SLC24A3: variants seen among roughly 807,000 people sequenced by gnomAD.
SLC24A3 encodes solute carrier family 24 member 3.
A neutral mutation model predicts 75.8 loss-of-function variants in SLC24A3; 28 were observed. The observed-to-expected ratio is 0.37, with a 90% confidence interval of 0.27 to 0.51. The LOEUF is 0.51. Among genes scored for constraint, SLC24A3 ranks in the 20% least tolerant of loss-of-function variants. The pLI is 0.94. For missense variants in SLC24A3, 663 were observed against 847.8 expected (o/e 0.78, Z 2.71); for synonymous variants, 372 against 334.1 (o/e 1.11, Z -1.24).
chr20:19,512,007 C>T (rs1436515893), intron 2 of SLC24A3, among the ~76,000 whole-genome samples: 1 of 152,226 alleles, frequency 6.6e-6, no homozygotes. Flanking sequence ...CCACATTCAA[C>T]TCGGTGAGGA....
intron 2 of SLC24A3, among the ~76,000 whole-genome samples, chr20:19,476,828 GGAAC>G (rs1987969386): frequency 6.6e-6 from 1 of 152,142 alleles, no homozygotes; most frequent in Non-Finnish European, 1.5e-5. Flanking sequence ...CACCAGAGGA[GGAAC>G]GATAGCACAG....
chr20:19,368,097 TGTGA>T (rs931971610), intron 2 of SLC24A3, among the ~76,000 whole-genome samples: 3 of 151,898 alleles, frequency 2.0e-5, no homozygotes, highest in African/African-American at 7.3e-5. Flanking sequence ...TGTGTATGAA[TGTGA>T]GTGTGTGTGT....
intron 6 of SLC24A3, among the ~76,000 whole-genome samples, chr20:19,619,058 G>A (rs1206378631): frequency 6.6e-6 from 1 of 152,152 alleles, no homozygotes; most frequent in Non-Finnish European, 1.5e-5. Flanking sequence ...TGATTACAGA[G>A]GCTTAAAATG....
At position 19,530,738 on chromosome 20, in the gene SLC24A3, T is replaced by A. The variant is rs537146562; in HGVS notation, c.348+15174T>A. Among the ~76,000 whole-genome samples the A allele has an allele frequency of 1.3e-4, 20 of 152,324 alleles. No homozygotes were observed. In the South Asian group the frequency reaches 4.1e-3, roughly 32 times the overall value. On this transcript the variant is annotated intron_variant, in intron 3 of 16. Coordinates refer to ENST00000328041, the MANE Select transcript of SLC24A3 (RefSeq NM_020689.4). ...AGAATGCAACCACTTCTGATGAGCC[T>A]GAAGTTCCAGGGAGCACAACAGAAG...
intron 6 of SLC24A3, among the ~76,000 whole-genome samples, chr20:19,597,935 T>A (rs1306940552): frequency 6.6e-6 from 1 of 152,230 alleles, no homozygotes. Flanking sequence ...TAGTATTCCC[T>A]TGAATGTATA....
chr20:19,348,753 G>A (rs1352509683), intron 2 of SLC24A3, among the ~76,000 whole-genome samples: 1 of 152,164 alleles, frequency 6.6e-6, no homozygotes, highest in African/African-American at 2.4e-5. Flanking sequence ...ATATGCCGAG[G>A]AGTGCATGGA....
chr20:19,269,487 TGAAAGGC>T (rs1983261505), intron 1 of SLC24A3, among the ~76,000 whole-genome samples: 1 of 152,260 alleles, frequency 6.6e-6, no homozygotes, highest in South Asian at 2.1e-4. Flanking sequence ...AATTTCTGTC[TGAAAGGC>T]GATTTCAATT....
chr20:19,547,233 C>T (rs1368785874), intron 3 of SLC24A3, among the ~76,000 whole-genome samples: 1 of 152,186 alleles, frequency 6.6e-6, no homozygotes, highest in African/African-American at 2.4e-5. Context: ...GTGTGTAACA[C>T]ACCATGAATG....
chr20:19,517,659 G>T (rs1188924682), intron 3 of SLC24A3, among the ~76,000 whole-genome samples: 1 of 152,178 alleles, frequency 6.6e-6, no homozygotes, highest in Non-Finnish European at 1.5e-5. Context: ...AGGAGTTCAT[G>T]GACCAAGGCC....
Position 19,307,763 on chromosome 20 carries a change from G to A in SLC24A3, c.271+26676G>A, listed in dbSNP as rs1241999681. Among the ~76,000 whole-genome samples the A allele has an allele frequency of 3.3e-5, 5 of 152,042 alleles. No homozygotes were observed. In the East Asian group the frequency reaches 7.7e-4, roughly 23 times the overall value. On this transcript the variant is annotated intron_variant, in intron 2 of 16. Coordinates refer to ENST00000328041, the MANE Select transcript of SLC24A3 (RefSeq NM_020689.4). ...CAGCACGTGTATCCCAGAACTTCAA[G>A]TAAAATAAAAATAAAAATAAAGAAA...
chr20:19,272,893 A>G (rs1983374266), intron 1 of SLC24A3, among the ~76,000 whole-genome samples: 3 of 152,120 alleles, frequency 2.0e-5, no homozygotes. Flanking sequence ...GGTGGGGGTC[A>G]GGGACGGGTG....
chr20:19,538,831 T>A (rs1373586748), intron 3 of SLC24A3, among the ~76,000 whole-genome samples: 1 of 152,224 alleles, frequency 6.6e-6, no homozygotes, highest in East Asian at 1.9e-4. Context: ...GCAGCACTGT[T>A]CATGCCAAGC....
At chr20:19,289,326 G>C (rs1310536098) in intron 2 of SLC24A3, among the ~76,000 whole-genome samples, 2 of 152,186 alleles carry the variant, frequency 1.3e-5, no homozygotes, top group Non-Finnish European at 1.5e-5. Context: ...AACACCCCTT[G>C]CTCCAGAGCA....
At chr20:19,555,235 C>A (rs1195711583) in intron 3 of SLC24A3, among the ~76,000 whole-genome samples, 2 of 152,120 alleles carry the variant, frequency 1.3e-5, no homozygotes, top group Non-Finnish European at 2.9e-5. Context: ...AAATAAGCCA[C>A]CCACCAAGGG....
intron 16 of SLC24A3, among the ~76,000 whole-genome samples, chr20:19,718,846 A>G (rs184512109): frequency 6.6e-6 from 1 of 152,338 alleles, no homozygotes; most frequent in East Asian, 1.9e-4. Context: ...TGTTCAGTCT[A>G]GAGACACCAT....
intron 7 of SLC24A3, among the ~76,000 whole-genome samples, chr20:19,657,687 G>A (rs2032280964): frequency 6.6e-6 from 1 of 152,172 alleles, no homozygotes; most frequent in South Asian, 2.1e-4. Flanking sequence ...GAGTAAAACA[G>A]AGTTTCACAC....
Position 19,398,419 on chromosome 20 carries a change from C to A in SLC24A3, c.272-117069C>A, listed in dbSNP as rs142437485. On this transcript the variant is annotated intron_variant, in intron 2 of 16. Transcript: ENST00000328041. ...TTTGTCAGATTTATCCCATTTTTGACGTTAAAAAGTGTGTTGCTTTTTAAA... is the reference window on the plus strand; with the variant it reads ...TTTGTCAGATTTATCCCATTTTTGAAGTTAAAAAGTGTGTTGCTTTTTAAA... 3.0e-3 allele frequency among the ~76,000 whole-genome samples: 459 copies of A among 152,178 alleles called. 4 individuals are homozygous for A. Among genetic ancestry groups the A allele is most frequent in the African/African-American group, 0.01 (427 of 41,542 alleles).
chr20:19,218,300 G>T (rs1981619155), intron 1 of SLC24A3, among the ~76,000 whole-genome samples: 1 of 152,170 alleles, frequency 6.6e-6, no homozygotes, highest in Non-Finnish European at 1.5e-5. Flanking sequence ...CAGTCCAGCA[G>T]ATTCGATATC....
intron 1 of SLC24A3, chr20:19,244,371 G>C (rs1982422381): frequency 6.6e-6 from 1 of 152,232 alleles, no homozygotes; most frequent in African/African-American, 2.4e-5. Flanking sequence ...GAAAGAAGGT[G>C]TGGTGAGAAC....
Sources: gnomAD v4.1 joint callset for allele counts (sites outside exome capture counted in the v4.1 genomes callset) on GRCh38, gnomAD v4.1.1 for gene constraint, MANE v1.5 for transcripts, NCBI Gene and HGNC (gene_info 2026-07-23, HGNC 2026-07-21) for gene names.